HMCN1: variants seen among roughly 807,000 people sequenced by gnomAD.
The protein encoded by HMCN1 is hemicentin 1.
In HMCN1, 321 loss-of-function variants were observed where a neutral mutation model predicts 625.9. The ratio of observed to expected loss-of-function variants is 0.51; its 90% CI spans 0.47 to 0.56. The LOEUF (loss-of-function observed/expected upper bound fraction) is 0.56. Ranked by LOEUF, HMCN1 falls within the 20% of genes least tolerant of loss-of-function variation. The pLI, the probability that HMCN1 is intolerant of heterozygous loss-of-function variation, is 0.00. For synonymous variants in HMCN1, 2,425 were observed against 2,417.6 expected (o/e 1.00, Z -0.09); for missense variants, 6,588 against 6,887.3 (o/e 0.96, Z 1.54).
chr1:186,134,676 A>G (rs534956713), intron 86 of HMCN1, among the ~76,000 whole-genome samples: 53 of 152,194 alleles, frequency 3.5e-4, no homozygotes, highest in African/African-American at 1.2e-3. Context: ...TCACAACAAA[A>G]CACATTTTTG....
At position 186,007,170 on chromosome 1, in the gene HMCN1, A is replaced by C; in HGVS notation, c.4518A>C (p.Arg1506Ser). 6.2e-7 allele frequency: 1 copy of C among 1,613,278 alleles called. No individual in the cohort carries two copies. The highest frequency in any genetic ancestry group is 8.5e-7 in the Non-Finnish European group (1 of 1,179,274). Reference sequence around the variant, plus strand: ...ATCCTAATGTTGAACTTCTAGACAGAGGACAAGTCTTACATTTAAAGAATG... The same window carrying C: ...ATCCTAATGTTGAACTTCTAGACAGCGGACAAGTCTTACATTTAAAGAATG... ...LGDPNVELLDRGQVLHLKNAR... is the reference protein window; with the variant it reads ...LGDPNVELLDSGQVLHLKNAR... Residue 1506 changes from arginine to serine, a missense_variant, in exon 30 of 107, where the codon AGA (arginine) becomes AGC (serine). By Grantham distance (110) the Arg-to-Ser change is moderately radical (BLOSUM62 -1). Transcript: ENST00000271588.
intron 105 of HMCN1, among the ~76,000 whole-genome samples, chr1:186,183,642 G>A (rs1046712975): frequency 6.6e-6 from 1 of 152,096 alleles, no homozygotes; most frequent in Non-Finnish European, 1.5e-5. Flanking sequence ...ATTCTAATGG[G>A]CACCCATTAG....
At chr1:186,145,323 T>C in intron 91 of HMCN1, 80 bp from the exon 92 acceptor site, 1 of 1,388,390 alleles carries the variant, frequency 7.2e-7, no homozygotes, top group Non-Finnish European at 9.8e-7. Flanking sequence ...TTTTTTTTAA[T>C]ACTTTTTGGA....
chr1:185,964,312 A>T (rs748577350), intron 13 of HMCN1, among the ~76,000 whole-genome samples: 1 of 152,134 alleles, frequency 6.6e-6, no homozygotes, highest in African/African-American at 2.4e-5. Flanking sequence ...CTCCAAACTT[A>T]AACATTTATT....
intron 11 of HMCN1, among the ~76,000 whole-genome samples, chr1:185,940,337 T>C (rs765772254): frequency 3.9e-5 from 6 of 152,110 alleles, no homozygotes; most frequent in African/African-American, 7.2e-5. Flanking sequence ...AGTACTTTGA[T>C]TTTCTTTGTC....
chr1:185,751,149 T>G (rs1654785895), intron 1 of HMCN1, among the ~76,000 whole-genome samples: 2 of 152,190 alleles, frequency 1.3e-5, no homozygotes, highest in Admixed American at 6.5e-5. Context: ...TTTTGGATTC[T>G]TATTCCCCCA....
chr1:185,747,387 C>T (rs924780314), intron 1 of HMCN1, among the ~76,000 whole-genome samples: 5 of 151,416 alleles, frequency 3.3e-5, no homozygotes, highest in African/African-American at 1.2e-4. Flanking sequence ...GGCGTGATCT[C>T]GGCTCACTGC....
chr1:186,181,660 C>T (rs1303628171), intron 104 of HMCN1, among the ~76,000 whole-genome samples: 1 of 152,040 alleles, frequency 6.6e-6, no homozygotes, highest in East Asian at 1.9e-4. Flanking sequence ...AAAACATTTC[C>T]ATGTGATATC....
chr1:186,075,905 T>G (rs61218817), intron 53 of HMCN1, among the ~76,000 whole-genome samples: 3,804 of 152,284 alleles, frequency 0.025, 163 homozygotes, highest in African/African-American at 0.086. Flanking sequence ...ACTCTTTTAA[T>G]GCTTTTGATG....
rs1023279601 is a variant in HMCN1 at position 185,738,452 on chromosome 1, A to G, written c.268+3405A>G. 1.3e-4 allele frequency among the ~76,000 whole-genome samples: 20 copies of G among 152,090 alleles called. No homozygotes were observed. In the South Asian group the frequency reaches 2.5e-3, roughly 19 times the overall value. On this transcript the variant is annotated intron_variant, in intron 1 of 106. Coordinates refer to ENST00000271588, the MANE Select transcript of HMCN1 (RefSeq NM_031935.3). The stretch of plus-strand genomic sequence containing the variant: ...CTGGCTTCTTTCACTTTAGCATAAC[A>G]TTTTCAAGGTTCATCCATGTTGTAG...
chr1:186,011,766 A>G (rs1654016550), intron 30 of HMCN1, among the ~76,000 whole-genome samples: 1 of 152,222 alleles, frequency 6.6e-6, no homozygotes, highest in Non-Finnish European at 1.5e-5. Context: ...CTAAAACAAC[A>G]CAATGACTAC....
At chr1:186,172,382 T>A (rs562317415) in intron 102 of HMCN1, among the ~76,000 whole-genome samples, 2 of 152,316 alleles carry the variant, frequency 1.3e-5, no homozygotes, top group Admixed American at 1.3e-4. Flanking sequence ...TTGGTTTACA[T>A]AGTTTAATAT....
Position 186,048,211 on chromosome 1 carries a change from A to T in HMCN1, c.6481-532A>T, listed in dbSNP as rs74134300. On this transcript the variant is annotated intron_variant, in intron 41 of 106. Transcript: ENST00000271588. The stretch of plus-strand genomic sequence containing the variant: ...TCAATGGATGAATCAGCATTGATGC[A>T]AGTTGTACATAAATACATGAAAAAT... Among the ~76,000 whole-genome samples the T allele has an allele frequency of 1.4e-3, 211 of 152,284 alleles. 1 individual carries two copies. The highest frequency in any genetic ancestry group is 4.7e-3 in the African/African-American group (195 of 41,574).
At chr1:185,839,252 G>C (rs1389587446) in intron 1 of HMCN1, among the ~76,000 whole-genome samples, 2 of 151,974 alleles carry the variant, frequency 1.3e-5, no homozygotes, top group Non-Finnish European at 2.9e-5. Flanking sequence ...TAATGTTAAG[G>C]AATTGCCTAA....
At chr1:186,057,031 T>TCACACACACACA (rs59926356) in intron 45 of HMCN1, among the ~76,000 whole-genome samples, 5 of 147,932 alleles carry the variant, frequency 3.4e-5, no homozygotes, top group African/African-American at 1.2e-4. Context: ...TCCAGGAATG[T>TCACACACACACA]CACACACACA....
intron 75 of HMCN1, among the ~76,000 whole-genome samples, chr1:186,115,854 C>CG (rs1661107101): frequency 1.1e-5 from 1 of 88,740 alleles, no homozygotes; most frequent in African/African-American, 7.9e-5. Flanking sequence ...GCATTTTCTC[C>CG]ATTTTTTTTT....
intron 63 of HMCN1, 106 bp downstream of exon 63, chr1:186,088,861 T>A (rs1659682194): frequency 9.1e-7 from 1 of 1,098,132 alleles, no homozygotes; most frequent in African/African-American, 1.6e-5. Flanking sequence ...TCAACATATC[T>A]TTAGATCATC....
At position 186,103,596 on chromosome 1, in the gene HMCN1, C is replaced by T. The variant is rs776530930; in HGVS notation, c.10698C>T (p.Gly3566=). 1 of 1,613,896 alleles carries T rather than the reference C, an allele frequency of 6.2e-7. No individual in the cohort carries two copies. The change falls in exon 69 of 107, where the codon GGC becomes GGT. Residue 3566 remains glycine (G), a synonymous_variant. Transcript: ENST00000271588. ...CTAAAATGACCTGGATGAAAGATGG[C>T]CGGCCCCTTCCACAGACGGATCAAG... is the stretch of plus-strand genomic sequence containing the variant. ...PAPKMTWMKD[G]RPLPQTDQVQ...
intron 11 of HMCN1, among the ~76,000 whole-genome samples, chr1:185,947,502 A>G (rs886951681): frequency 4.6e-5 from 7 of 152,248 alleles, no homozygotes; most frequent in African/African-American, 1.7e-4. Flanking sequence ...TTGATAAACC[A>G]TGATCATAAT....
Sources: gnomAD v4.1 joint callset for allele counts (sites outside exome capture counted in the v4.1 genomes callset) on GRCh38, gnomAD v4.1.1 for gene constraint, MANE v1.5 for transcripts, NCBI Gene and HGNC (gene_info 2026-07-23, HGNC 2026-07-21) for gene names.